MEOX2: variants seen among roughly 807,000 people sequenced by gnomAD.
MEOX2 encodes mesenchyme homeobox 2.
In MEOX2, 11 loss-of-function variants were observed where a neutral mutation model predicts 27.0. That is an observed-to-expected ratio of 0.41 (90% CI 0.26 to 0.68). The LOEUF is 0.68. Among genes scored for constraint, MEOX2 ranks in the 30% least tolerant of loss-of-function variants. The pLI is 0.33. For synonymous variants in MEOX2, 189 were observed against 155.4 expected, an observed-to-expected ratio of 1.22 and a Z score of -1.61; for missense variants, 436 against 385.4, an observed-to-expected ratio of 1.13 and a Z score of -1.10.
At chr7:15,640,768 A>G (rs1257011270) in intron 1 of MEOX2, among the ~76,000 whole-genome samples, 1 of 152,174 alleles carries the variant, frequency 6.6e-6, no homozygotes, top group Admixed American at 6.6e-5. Context: ...CTTTTTCTGC[A>G]TCTACTGAGA....
intron 1 of MEOX2, among the ~76,000 whole-genome samples, chr7:15,653,758 T>C (rs1200329700): frequency 6.6e-6 from 1 of 152,000 alleles, no homozygotes; most frequent in East Asian, 1.9e-4. Context: ...GTTGATTTTC[T>C]ATTTTTTCCA....
Position 15,686,057 on chromosome 7 carries a change from C to T in MEOX2, c.346G>A (p.Gly116Arg), listed in dbSNP as rs770045601. 2 of 1,601,702 alleles carry T rather than the reference C, an allele frequency of 1.2e-6. No individual in the cohort carries two copies. The highest frequency in any genetic ancestry group is 1.1e-5 in the South Asian group (1 of 90,512). ...GGGCTGCTCCCCAACTCTGGGGGCC[C>T]TCCAGAGTCGGGCTGGAGGCAGAGG... ...HSLCLQPDSG[G>R]PPELGSSPPV... Residue 116 changes from glycine (G) to arginine (R), a missense_variant, in exon 1 of 3, where the codon GGG (glycine) becomes AGG (arginine). Gly to Arg is a moderately radical substitution (Grantham distance 125). Coordinates refer to ENST00000262041, the MANE Select transcript of MEOX2 (RefSeq NM_005924.5).
At chr7:15,623,970 G>C (rs368037631) in intron 2 of MEOX2, among the ~76,000 whole-genome samples, 4 of 152,152 alleles carry the variant, frequency 2.6e-5, no homozygotes, top group Non-Finnish European at 5.9e-5. Flanking sequence ...GCATAGCAAA[G>C]GTTTTTCCCA....
At chr7:15,631,946 AG>A (rs1781411425) in intron 1 of MEOX2, among the ~76,000 whole-genome samples, 1 of 33,872 alleles carries the variant, frequency 3.0e-5, no homozygotes, top group African/African-American at 1.1e-4. Flanking sequence ...AGAAAGAGAG[AG>A]AGAGAGGAGA....
intron 1 of MEOX2, among the ~76,000 whole-genome samples, chr7:15,677,827 TATG>T (rs1227278631): frequency 6.6e-6 from 1 of 152,340 alleles, no homozygotes; most frequent in African/African-American, 2.4e-5. Context: ...CCTTGTCTAA[TATG>T]ATAATTAAGA....
intron 1 of MEOX2, among the ~76,000 whole-genome samples, chr7:15,672,783 T>C (rs1278391106): frequency 6.6e-6 from 1 of 151,678 alleles, no homozygotes; most frequent in Non-Finnish European, 1.5e-5. Flanking sequence ...TCCCAGCTAC[T>C]TGGGAGGCTG....
chr7:15,653,628 C>A (rs1781774384), intron 1 of MEOX2, among the ~76,000 whole-genome samples: 1 of 151,910 alleles, frequency 6.6e-6, no homozygotes, highest in African/African-American at 2.4e-5. Flanking sequence ...CATTTACATC[C>A]ATCATTCCTT....
Position 15,658,689 on chromosome 7 carries a change from C to T in MEOX2, c.517+27197G>A, listed in dbSNP as rs368342395. On this transcript the variant is annotated intron_variant, in intron 1 of 2. Coordinates refer to ENST00000262041, the MANE Select transcript of MEOX2 (RefSeq NM_005924.5). ...AGGTAATAGGTCACAAGACTGGAGC[C>T]CTGAGGAACAGGATTTGCACCCTTA... 1.3e-4 allele frequency among the ~76,000 whole-genome samples: 19 copies of T among 151,996 alleles called. No homozygotes were observed. In the East Asian group the frequency reaches 2.7e-3, roughly 22 times the overall value.
chr7:15,621,573 C>A (rs1398748837), intron 2 of MEOX2, among the ~76,000 whole-genome samples: 1 of 152,034 alleles, frequency 6.6e-6, no homozygotes. Flanking sequence ...TTTAATATAC[C>A]TTATGTTTTT....
At chr7:15,654,389 C>A (rs1781787812) in intron 1 of MEOX2, among the ~76,000 whole-genome samples, 1 of 151,498 alleles carries the variant, frequency 6.6e-6, no homozygotes, top group Admixed American at 6.6e-5. Context: ...CCTTTCTGAT[C>A]TGTATGCATT....
At chr7:15,664,564 A>G (rs1207051397) in intron 1 of MEOX2, among the ~76,000 whole-genome samples, 2 of 152,186 alleles carry the variant, frequency 1.3e-5, no homozygotes, top group Admixed American at 6.5e-5. Flanking sequence ...AAGCTCCTAT[A>G]TAGGGATCAA....
chr7:15,680,626 T>C (rs561782003), intron 1 of MEOX2: 2 of 152,002 alleles, frequency 1.3e-5, no homozygotes, highest in South Asian at 4.1e-4. Flanking sequence ...AAAGAAATAG[T>C]CATGAGAGCA....
At chr7:15,643,645 G>C (rs183412065) in intron 1 of MEOX2, among the ~76,000 whole-genome samples, 146 of 152,304 alleles carry the variant, frequency 9.6e-4, no homozygotes, top group Admixed American at 1.7e-3. Flanking sequence ...CAGACTGTGG[G>C]ACTCCCAGAG....
intron 1 of MEOX2, among the ~76,000 whole-genome samples, chr7:15,639,945 G>A (rs910603967): frequency 2.0e-5 from 3 of 151,962 alleles, no homozygotes; most frequent in Admixed American, 1.3e-4. Flanking sequence ...TTTTGCTTAC[G>A]ATTGCTTTGG....
rs1301079293 is a variant in MEOX2 at position 15,612,180 on chromosome 7, A to C, written c.*207T>G. The C allele has an allele frequency of 1.7e-6, 1 of 590,844 alleles. No individual in the cohort carries two copies. The highest frequency in any genetic ancestry group is 3.0e-6 in the Non-Finnish European group (1 of 332,538). 36.6% of individuals were successfully genotyped at this position (590,844 alleles called of 1,614,324 possible). On this transcript the variant is annotated 3_prime_UTR_variant, in exon 3 of 3. Transcript: ENST00000262041. ...CATCTGGAATATTCAAAGCAAGTTCACCTTCTCCATCTTCACTGTGGAAGC... is the reference window on the plus strand; with the variant it reads ...CATCTGGAATATTCAAAGCAAGTTCCCCTTCTCCATCTTCACTGTGGAAGC...
intron 1 of MEOX2, among the ~76,000 whole-genome samples, chr7:15,685,614 CT>C (rs1782367293): frequency 6.6e-6 from 1 of 152,244 alleles, no homozygotes; most frequent in Non-Finnish European, 1.5e-5. Context: ...TTCACAGCCA[CT>C]TGTCCTTTTT....
At chr7:15,639,837 G>T (rs1157282122) in intron 1 of MEOX2, among the ~76,000 whole-genome samples, 1 of 152,064 alleles carries the variant, frequency 6.6e-6, no homozygotes, top group Non-Finnish European at 1.5e-5. Flanking sequence ...TATTGTACCA[G>T]TACCAAACTG....
chr7:15,686,524 TGCACTTCTGCAGAGCTCGG>T lies in MEOX2; in HGVS notation c.-141_-123del, dbSNP rs1782390122. ...TTTTAACCTCCCAAAGCAATAGCGG[TGCACTTCTGCAGAGCTCGG>T]ATAATCCCGGTCCTGAGCCCCAGCG... On this transcript the variant is annotated 5_prime_UTR_variant, in exon 1 of 3. Coordinates refer to ENST00000262041, the MANE Select transcript of MEOX2 (RefSeq NM_005924.5). 1 of 866,468 alleles carries T rather than the reference TGCACTTCTGCAGAGCTCGG, an allele frequency of 1.2e-6. No individual in the cohort carries two copies. The allele number at this position is 866,468 out of a possible 1,614,324, so 53.7% of individuals were successfully genotyped here. A position where few individuals can be genotyped will look rare whatever the true frequency, so the allele number is the denominator to read the frequency against.
At chr7:15,626,437 A>C (rs571131695) in intron 2 of MEOX2, among the ~76,000 whole-genome samples, 2 of 152,224 alleles carry the variant, frequency 1.3e-5, no homozygotes, top group East Asian at 1.9e-4. Context: ...TTAACATATA[A>C]GCATGCACAA....
Sources: allele counts gnomAD v4.1 joint callset (sites outside exome capture counted in the v4.1 genomes callset), GRCh38; gene constraint gnomAD v4.1.1; transcripts MANE v1.5; gene names NCBI Gene and HGNC (gene_info 2026-07-23, HGNC 2026-07-21).